SLAMF9: variants seen among roughly 807,000 people sequenced by gnomAD.
The protein encoded by SLAMF9 is SLAM family member 9, also known as CD2 family member 10.
SLAMF9 carries 25 observed loss-of-function variants against 30.4 expected under a neutral mutation model. That is an observed-to-expected ratio of 0.82 (90% CI 0.60 to 1.15). The LOEUF (loss-of-function observed/expected upper bound fraction) is 1.15, where lower values mean the gene tolerates loss of function less well. SLAMF9 is among the 50% of genes most tolerant of loss of function. SLAMF9 has a pLI of 0.00. For synonymous variants in SLAMF9, 129 were observed against 127.2 expected (o/e 1.01, Z -0.09); for missense variants, 344 against 346.1 (o/e 0.99, Z 0.05).
At chr1:159,981,661 C>A in the SLAMF9 span, among the ~76,000 whole-genome samples, 2 of 152,214 alleles carry the variant, frequency 1.3e-5, no homozygotes, top group Non-Finnish European at 2.9e-5. Flanking sequence ...GTGCTCAGGT[C>A]TCCCTTCAAG....
the SLAMF9 span, among the ~76,000 whole-genome samples, chr1:159,980,061 A>G: frequency 6.6e-6 from 1 of 152,204 alleles, no homozygotes; most frequent in Non-Finnish European, 1.5e-5. Context: ...GGATGCTCTG[A>G]GCAAAACCAA....
the SLAMF9 span, among the ~76,000 whole-genome samples, chr1:159,960,166 T>G: frequency 7.4e-4 from 32 of 43,220 alleles, no homozygotes; most frequent in South Asian, 8.0e-3. Flanking sequence ...CCCTCCCCCC[T>G]CCCCCCACCC....
the SLAMF9 span, among the ~76,000 whole-genome samples, chr1:159,977,520 G>C: frequency 1.3e-5 from 2 of 152,218 alleles, no homozygotes; most frequent in Admixed American, 1.3e-4. Context: ...TGCAGGGTTA[G>C]CTCCCTATAG....
At chr1:159,956,890 C>A (rs577544583), upstream of SLAMF9, among the ~76,000 whole-genome samples, 28 of 151,498 alleles carry the variant, frequency 1.8e-4, no homozygotes, top group African/African-American at 5.8e-4. Context: ...GAGGCCGAGG[C>A]GGGGGGATCA....
rs1398032815 is a variant in SLAMF9, at chr1:159,952,441, C to T, written c.485G>A (p.Gly162Asp). 4 of 1,614,132 alleles carry T rather than the reference C, an allele frequency of 2.5e-6. No homozygotes were observed. The highest frequency in any genetic ancestry group is 4.5e-5 in the East Asian group (2 of 44,878). The change falls in exon 3 of 4, where the codon GGC becomes GAC. Residue 162 changes from glycine to aspartate, a missense_variant. Transcript: ENST00000368093. ...GAGCCAGCTGTAGGTCATATCCATG[C>T]CTGCCTTCTCCACAGAGCACACCAG... Reference protein sequence around the residue: ...MSLVCSVEKAGMDMTYSWLSR... With the variant: ...MSLVCSVEKADMDMTYSWLSR...
chr1:159,976,938 AAGAAAGAAAGAAAGAAAGAAAG>A, the SLAMF9 span: 22 of 5,080 alleles, frequency 4.3e-3, no homozygotes, highest in Middle Eastern at 0.056. Context: ...GAAAGAAAGA[AAGAAAGAAAGAAAGAAAGAAAG>A]AGAAAGAAAG....
chr1:159,976,903 G>T, the SLAMF9 span: 1 of 62,744 alleles, frequency 1.6e-5, no homozygotes, highest in Non-Finnish European at 3.3e-5. Flanking sequence ...AAAGAAAGAA[G>T]GAAAGAAAAA....
the SLAMF9 span, among the ~76,000 whole-genome samples, chr1:159,970,210 G>A: frequency 0.62 from 94,249 of 152,066 alleles, 32,275 homozygotes; most frequent in East Asian, 0.97. Flanking sequence ...TGCCTCCATT[G>A]AGAATCACTA....
the SLAMF9 span, among the ~76,000 whole-genome samples, chr1:159,970,994 T>C: frequency 1.3e-5 from 2 of 152,194 alleles, no homozygotes; most frequent in Non-Finnish European, 2.9e-5. Context: ...GGCATCAGTG[T>C]GTAACAATAC....
upstream of SLAMF9, among the ~76,000 whole-genome samples, chr1:159,956,020 G>A (rs1330337259): frequency 3.3e-5 from 5 of 152,166 alleles, no homozygotes; most frequent in Non-Finnish European, 1.5e-5. Context: ...CAAAGGAAAT[G>A]AAATCAGTAT....
At chr1:159,962,513 C>T in the SLAMF9 span, among the ~76,000 whole-genome samples, 2 of 151,998 alleles carry the variant, frequency 1.3e-5, no homozygotes, top group African/African-American at 2.4e-5. Context: ...GGAACAAGGC[C>T]TCTCCCTGAC....
At chr1:159,961,372 G>A in the SLAMF9 span, 18 of 152,288 alleles carry the variant, frequency 1.2e-4, no homozygotes, top group African/African-American at 4.1e-4. Flanking sequence ...GGACCCACAC[G>A]GCAGAGCCAT....
At chr1:159,952,883 A>C (rs981820448) in intron 2 of SLAMF9, among the ~76,000 whole-genome samples, 5 of 152,244 alleles carry the variant, frequency 3.3e-5, no homozygotes, top group Non-Finnish European at 7.3e-5. Flanking sequence ...GTGTCCCTTC[A>C]AGCTTCAAGG....
chr1:159,953,847 G>T (rs1177977021), intron 1 of SLAMF9, among the ~76,000 whole-genome samples, 194 bp from the exon 2 acceptor site: 1 of 152,160 alleles, frequency 6.6e-6, no homozygotes, highest in East Asian at 1.9e-4. Flanking sequence ...AAAGGAGTTT[G>T]CTTCCATCTG....
the SLAMF9 span, among the ~76,000 whole-genome samples, chr1:159,967,170 T>C: frequency 6.6e-6 from 1 of 152,214 alleles, no homozygotes; most frequent in Non-Finnish European, 1.5e-5. Context: ...CTTTAACTTC[T>C]AGGGTACATG....
At chr1:159,963,174 G>A in the SLAMF9 span, among the ~76,000 whole-genome samples, 1 of 152,192 alleles carries the variant, frequency 6.6e-6, no homozygotes, top group Non-Finnish European at 1.5e-5. Flanking sequence ...CATTCGGCAT[G>A]GAGTTGGCAC....
At chr1:159,962,314 A>T in the SLAMF9 span, among the ~76,000 whole-genome samples, 1 of 151,688 alleles carries the variant, frequency 6.6e-6, no homozygotes, top group South Asian at 2.1e-4. Flanking sequence ...CTGGGGGTAT[A>T]TAGACCTACT....
intron 2 of SLAMF9, among the ~76,000 whole-genome samples, chr1:159,952,766 G>T (rs113990438): frequency 6.6e-6 from 1 of 152,074 alleles, no homozygotes; most frequent in Non-Finnish European, 1.5e-5. Context: ...TCCCCTTTAC[G>T]TATTCTCTCT....
the SLAMF9 span, among the ~76,000 whole-genome samples, chr1:159,966,267 G>A: frequency 6.6e-6 from 1 of 152,102 alleles, no homozygotes; most frequent in African/African-American, 2.4e-5. Context: ...CATTTGTGTT[G>A]TCCAAAATGA....
Sources: allele counts gnomAD v4.1 joint callset (sites outside exome capture counted in the v4.1 genomes callset), GRCh38; gene constraint gnomAD v4.1.1; transcripts MANE v1.5; gene names NCBI Gene and HGNC (gene_info 2026-07-23, HGNC 2026-07-21).